The following LINC00305 variants were observed in gnomAD, a reference collection of about 807,000 sequenced individuals.
The protein encoded by LINC00305 is long independently transcribed non-coding RNA 305.
intron 1 of LINC00305, among the ~76,000 whole-genome samples, chr18:64,123,597 T>G (rs752330246): frequency 3.3e-5 from 5 of 152,072 alleles, no homozygotes; most frequent in Non-Finnish European, 5.9e-5. Context: ...AACCTTCCCC[T>G]TTGGCTTATC....
In LINC00305 at chr18:64,138,918, CAA is replaced by C. The variant is rs568540192; in HGVS notation, n.314+9855_314+9856del. 2.0e-4 allele frequency among the ~76,000 whole-genome samples: 31 copies of C among 152,290 alleles called. No homozygotes were observed. In the South Asian group the frequency reaches 5.8e-3, roughly 29 times the overall value. ...AATAAATGACCCTATCCAAATGAAT[CAA>C]AGAGTATGTGCGGGGCACAGCCGAT... On this transcript the variant is annotated intron_variant and non_coding_transcript_variant, in intron 1 of 3. Coordinates refer to ENST00000666468, the Ensembl canonical transcript of LINC00305.
At chr18:64,097,846 T>C (rs1400625673) in exon 3 of LINC00305, 3 of 457,908 alleles carry the variant, frequency 6.6e-6, no homozygotes, top group South Asian at 3.1e-5. Flanking sequence ...TTATTCTTCA[T>C]TGAGAGCATG....
intron 1 of LINC00305, among the ~76,000 whole-genome samples, chr18:64,103,764 C>A (rs1013431266): frequency 6.6e-6 from 1 of 152,044 alleles, no homozygotes; most frequent in Non-Finnish European, 1.5e-5. Flanking sequence ...CTAATTTGTT[C>A]TTTTTGAGTT....
At chr18:64,142,176 T>C (rs991352341) in intron 1 of LINC00305, among the ~76,000 whole-genome samples, 1 of 152,194 alleles carries the variant, frequency 6.6e-6, no homozygotes, top group Non-Finnish European at 1.5e-5. Flanking sequence ...TTAATCAGCA[T>C]GGGGCTTTCA....
chr18:64,105,889 A>T (rs1480085461), intron 1 of LINC00305, among the ~76,000 whole-genome samples: 1 of 152,240 alleles, frequency 6.6e-6, no homozygotes, highest in African/African-American at 2.4e-5. Context: ...TTAAGGAGAA[A>T]TAGCAGTTAT....
Position 64,145,657 on chromosome 18 carries a change from C to G in LINC00305, n.314+3118G>C, listed in dbSNP as rs904379393. ...TCTCAAGCTCCTGACCTCAGGTAAT[C>G]CACCTGCCTTGGCCTCCCAAAGTGC... On this transcript the variant is annotated intron_variant and non_coding_transcript_variant, in intron 1 of 3. Transcript: ENST00000666468. Among the ~76,000 whole-genome samples the G allele has an allele frequency of 2.6e-5, 4 of 152,270 alleles. 1 individual carries two copies. In the South Asian group the frequency reaches 8.3e-4, roughly 32 times the overall value.
rs562455817 is a variant in LINC00305, at chr18:64,108,373, A to T, written n.315-9733T>A. Reference sequence around the variant, plus strand: ...CACATGAGTATTATGGGTTAGCATGATAAGTTGACTGTGGTCCATTCGCCC... The same window carrying T: ...CACATGAGTATTATGGGTTAGCATGTTAAGTTGACTGTGGTCCATTCGCCC... On this transcript the variant is annotated intron_variant and non_coding_transcript_variant, in intron 1 of 3. Coordinates refer to ENST00000666468, the Ensembl canonical transcript of LINC00305. 9.4e-4 allele frequency among the ~76,000 whole-genome samples: 143 copies of T among 152,340 alleles called. 1 individual carries two copies. Among genetic ancestry groups the T allele is most frequent in the African/African-American group, 3.3e-3 (139 of 41,586 alleles).
intron 1 of LINC00305, among the ~76,000 whole-genome samples, chr18:64,110,723 T>C (rs1228522499): frequency 6.6e-6 from 1 of 152,190 alleles, no homozygotes; most frequent in Non-Finnish European, 1.5e-5. Flanking sequence ...TTTAAAAAGA[T>C]CTCTGCTGCT....
chr18:64,133,445 C>T lies in LINC00305; in HGVS notation n.314+15330G>A, dbSNP rs2051418921. 3.9e-5 allele frequency among the ~76,000 whole-genome samples: 6 copies of T among 152,260 alleles called. No individual in the cohort carries two copies. In the South Asian group the frequency reaches 1.2e-3, roughly 32 times the overall value. Reference sequence around the variant, plus strand: ...ACTTACTCCTCTCTAATCCATCTTCCACCCTGAGGCCAGAATGATGTTTTT... The same window carrying T: ...ACTTACTCCTCTCTAATCCATCTTCTACCCTGAGGCCAGAATGATGTTTTT... On this transcript the variant is annotated intron_variant and non_coding_transcript_variant, in intron 1 of 3. Transcript: ENST00000666468.
intron 3 of LINC00305, among the ~76,000 whole-genome samples, chr18:64,094,019 C>A (rs970679320): frequency 6.6e-6 from 1 of 152,118 alleles, no homozygotes; most frequent in Non-Finnish European, 1.5e-5. Flanking sequence ...GATTCTGGAT[C>A]GGGGAATGCA....
chr18:64,082,152 C>G (rs1459741156), intron 3 of LINC00305, among the ~76,000 whole-genome samples: 1 of 152,122 alleles, frequency 6.6e-6, no homozygotes, highest in African/African-American at 2.4e-5. Flanking sequence ...CAAAATTTCT[C>G]CAATTGCTCC....
chr18:64,100,661 G>A (rs1024057490), intron 1 of LINC00305, among the ~76,000 whole-genome samples: 1 of 151,838 alleles, frequency 6.6e-6, no homozygotes, highest in South Asian at 2.1e-4. Context: ...TTTTTCTCTG[G>A]CAAATTGCCT....
intron 3 of LINC00305, among the ~76,000 whole-genome samples, chr18:64,084,399 A>G (rs1353596353): frequency 1.3e-5 from 2 of 152,208 alleles, no homozygotes; most frequent in Non-Finnish European, 2.9e-5. Flanking sequence ...AAGTTTACCT[A>G]GGTAACAAAT....
chr18:64,086,770 G>C (rs1271027066), intron 3 of LINC00305, among the ~76,000 whole-genome samples: 1 of 152,190 alleles, frequency 6.6e-6, no homozygotes, highest in Admixed American at 6.5e-5. Flanking sequence ...CACCATTTTT[G>C]ATTGTTTAGG....
At chr18:64,104,677 C>T (rs920671490) in intron 1 of LINC00305, among the ~76,000 whole-genome samples, 3 of 152,206 alleles carry the variant, frequency 2.0e-5, no homozygotes, top group African/African-American at 7.2e-5. Flanking sequence ...AGGGGCAAAT[C>T]CTCCTGGGGA....
intron 1 of LINC00305, among the ~76,000 whole-genome samples, chr18:64,124,962 T>A (rs2051378486): frequency 1.3e-5 from 2 of 152,148 alleles, no homozygotes; most frequent in African/African-American, 2.4e-5. Flanking sequence ...CACTTTTTGA[T>A]CTGATGAACC....
intron 1 of LINC00305, among the ~76,000 whole-genome samples, chr18:64,114,296 A>G (rs2051328175): frequency 6.6e-6 from 1 of 152,126 alleles, no homozygotes; most frequent in Non-Finnish European, 1.5e-5. Context: ...CTTTCCAAAG[A>G]GGTTCTCCCT....
chr18:64,114,609 C>T (rs373941720), intron 1 of LINC00305, among the ~76,000 whole-genome samples: 1 of 152,156 alleles, frequency 6.6e-6, no homozygotes, highest in Admixed American at 6.5e-5. Context: ...AGTGCAAGGC[C>T]GCGATCTTGG....
At chr18:64,081,253 A>T (rs1020191735) in intron 3 of LINC00305, among the ~76,000 whole-genome samples, 1 of 152,246 alleles carries the variant, frequency 6.6e-6, no homozygotes, top group African/African-American at 2.4e-5. Flanking sequence ...ACAGACTACT[A>T]ATGTGGCAAA....
Sources: allele counts gnomAD v4.1 joint callset (sites outside exome capture counted in the v4.1 genomes callset), GRCh38; gene constraint gnomAD v4.1.1; transcripts MANE v1.5; gene names NCBI Gene and HGNC (gene_info 2026-07-23, HGNC 2026-07-21).